WWOX: variants seen among roughly 807,000 people sequenced by gnomAD.
The protein encoded by WWOX is WW domain-containing oxidoreductase.
WWOX carries 69 observed loss-of-function variants against 46.2 expected under a neutral mutation model. That is an observed-to-expected ratio of 1.49 (90% CI 1.23 to 1.82). The LOEUF (loss-of-function observed/expected upper bound fraction) is 1.82, where lower values mean the gene tolerates loss of function less well. Among genes scored for constraint, WWOX ranks in the 40% most tolerant of loss-of-function variants. WWOX has a pLI of 0.00. For missense variants in WWOX, 919 were observed against 542.6 expected (o/e 1.69, Z -6.89); for synonymous variants, 359 against 202.6 (o/e 1.77, Z -6.56).
intron 2 of WWOX, 140 bp from the exon 3 acceptor site, chr16:78,109,638 C>G: frequency 1.3e-6 from 1 of 798,660 alleles, no homozygotes; most frequent in Non-Finnish European, 2.1e-6. Context: ...GAACATGTGA[C>G]GAAAGCCAGT....
chr16:79,126,091 G>A lies in WWOX; in HGVS notation c.1057-85517G>A, dbSNP rs114202804. Among the ~76,000 whole-genome samples, 218 of 152,248 alleles carry A rather than the reference G, an allele frequency of 1.4e-3. 1 individual carries two copies. Among genetic ancestry groups the A allele is most frequent in the African/African-American group, 4.7e-3 (197 of 41,522 alleles). The stretch of plus-strand genomic sequence containing the variant: ...AAATATGGTAGGGAAGCAACATAAT[G>A]TGCCCTGGAGTTTCACAGAAGAAGG... On this transcript the variant is annotated intron_variant, in intron 8 of 8. Coordinates refer to ENST00000566780, the MANE Select transcript of WWOX (RefSeq NM_016373.4).
At chr16:78,486,521 G>C (rs1216846404) in intron 8 of WWOX, among the ~76,000 whole-genome samples, 3 of 151,350 alleles carry the variant, frequency 2.0e-5, no homozygotes, top group African/African-American at 4.9e-5. Context: ...AGTCGGACCT[G>C]GTTGTTGTAC....
chr16:78,207,226 A>G (rs533577680), intron 5 of WWOX, among the ~76,000 whole-genome samples: 149 of 152,320 alleles, frequency 9.8e-4, no homozygotes, highest in African/African-American at 3.6e-3. Context: ...CAGATGCCAC[A>G]AATTATTTTG....
chr16:79,087,759 C>T (rs1368973161), intron 8 of WWOX, among the ~76,000 whole-genome samples: 5 of 152,200 alleles, frequency 3.3e-5, no homozygotes, highest in Admixed American at 3.3e-4. Flanking sequence ...GGCCATTTCT[C>T]TGCTCTTTTA....
At chr16:78,151,164 C>A (rs2034393122) in intron 4 of WWOX, among the ~76,000 whole-genome samples, 1 of 151,738 alleles carries the variant, frequency 6.6e-6, no homozygotes, top group Non-Finnish European at 1.5e-5. Context: ...GGCATGAGAC[C>A]CCATGCCTGG....
intron 8 of WWOX, among the ~76,000 whole-genome samples, chr16:78,786,411 G>A (rs2050457358): frequency 6.6e-6 from 1 of 152,180 alleles, no homozygotes; most frequent in African/African-American, 2.4e-5. Flanking sequence ...ACAGGATACA[G>A]TCAATGACTT....
chr16:78,151,197 C>G (rs976770832), intron 4 of WWOX, among the ~76,000 whole-genome samples: 4 of 152,026 alleles, frequency 2.6e-5, no homozygotes, highest in African/African-American at 9.7e-5. Flanking sequence ...ATTTTAGGAG[C>G]TCTGTGCCAG....
At chr16:78,295,056 C>G (rs540571263) in intron 5 of WWOX, among the ~76,000 whole-genome samples, 5 of 152,114 alleles carry the variant, frequency 3.3e-5, no homozygotes, top group African/African-American at 9.7e-5. Flanking sequence ...TGGCCTGTGT[C>G]CTAGGTATTG....
chr16:79,151,049 T>G (rs943603207), intron 8 of WWOX, among the ~76,000 whole-genome samples: 2 of 152,202 alleles, frequency 1.3e-5, no homozygotes, highest in African/African-American at 4.8e-5. Context: ...ATTTTACCAG[T>G]GCAACTCTGC....
At chr16:78,827,111 C>T (rs558480177) in intron 8 of WWOX, among the ~76,000 whole-genome samples, 1 of 152,142 alleles carries the variant, frequency 6.6e-6, no homozygotes, top group Non-Finnish European at 1.5e-5. Context: ...CTCTCCAGAA[C>T]TCCAGGATGC....
intron 8 of WWOX, among the ~76,000 whole-genome samples, chr16:78,591,518 G>C (rs971036469): frequency 6.6e-6 from 1 of 152,176 alleles, no homozygotes; most frequent in Admixed American, 6.5e-5. Flanking sequence ...TCCTCATTAA[G>C]AGACTGTGGG....
chr16:78,717,619 G>A (rs537326068), intron 8 of WWOX, among the ~76,000 whole-genome samples: 1 of 152,246 alleles, frequency 6.6e-6, no homozygotes, highest in South Asian at 2.1e-4. Context: ...ATGAATAGGA[G>A]TTTCCCCAGA....
intron 8 of WWOX, among the ~76,000 whole-genome samples, chr16:78,600,328 C>A (rs1009414376): frequency 2.6e-5 from 4 of 151,966 alleles, no homozygotes; most frequent in Admixed American, 1.3e-4. Context: ...AGAAACAGAC[C>A]AAGTAGAGAC....
At chr16:78,965,597 C>G (rs541062832) in intron 8 of WWOX, among the ~76,000 whole-genome samples, 24 of 151,728 alleles carry the variant, frequency 1.6e-4, no homozygotes, top group African/African-American at 5.8e-4. Context: ...CCGCCTTATT[C>G]AGATACACAG....
At chr16:78,504,713 T>C (rs1181717771) in intron 8 of WWOX, among the ~76,000 whole-genome samples, 1 of 152,096 alleles carries the variant, frequency 6.6e-6, no homozygotes, top group African/African-American at 2.4e-5. Context: ...AGTTTCTCAA[T>C]TGCAAAAGTG....
chr16:78,458,076 T>A (rs931262641), intron 8 of WWOX, among the ~76,000 whole-genome samples: 1 of 151,082 alleles, frequency 6.6e-6, no homozygotes, highest in Non-Finnish European at 1.5e-5. Flanking sequence ...AAACTTTACC[T>A]GGGCTTAGTA....
At chr16:78,842,509 G>GAA (rs1016109559) in intron 8 of WWOX, among the ~76,000 whole-genome samples, 10 of 152,046 alleles carry the variant, frequency 6.6e-5, no homozygotes, top group Middle Eastern at 3.4e-3. Context: ...TTTCGAAAAA[G>GAA]AAAACAAAAA....
intron 8 of WWOX, chr16:78,691,337 A>G (rs1391089159): frequency 1.0e-5 from 7 of 699,460 alleles, no homozygotes; most frequent in East Asian, 5.4e-5. Flanking sequence ...TTCATTTTCA[A>G]CATAGCTTTA....
intron 8 of WWOX, among the ~76,000 whole-genome samples, chr16:78,999,777 T>C (rs1041830266): frequency 6.6e-6 from 1 of 152,166 alleles, no homozygotes; most frequent in East Asian, 1.9e-4. Flanking sequence ...ACTATTCAGA[T>C]GATGGATACA....
Sources: gnomAD v4.1 joint callset for allele counts (sites outside exome capture counted in the v4.1 genomes callset) on GRCh38, gnomAD v4.1.1 for gene constraint, MANE v1.5 for transcripts, NCBI Gene and HGNC (gene_info 2026-07-23, HGNC 2026-07-21) for gene names.